CCDC9B: variants seen among roughly 807,000 people sequenced by gnomAD.
The protein encoded by CCDC9B is coiled-coil domain-containing protein 9B.
CCDC9B carries 40 observed loss-of-function variants against 47.2 expected under a neutral mutation model. The observed-to-expected ratio is 0.85, with a 90% CI of 0.66 to 1.10. The LOEUF (loss-of-function observed/expected upper bound fraction) is 1.10, where lower values mean the gene tolerates loss of function less well. Among genes scored for constraint, CCDC9B ranks in the 50% least tolerant of loss-of-function variants. The pLI is 0.00. For synonymous variants in CCDC9B, 238 were observed against 250.7 expected (o/e 0.95, Z 0.48); for missense variants, 662 against 651.0 (o/e 1.02, Z -0.18).
chr15:40,339,559 G>A lies in CCDC9B; in HGVS notation c.184C>T (p.Leu62Phe). The change falls in exon 3 of 11, where the codon CTC (leucine) becomes TTC (phenylalanine). Residue 62 changes from leucine to phenylalanine, a missense_variant. Coordinates refer to ENST00000397536, the MANE Select transcript of CCDC9B (RefSeq NM_207380.3). The part of the protein sequence containing the change: ...QGGMAVTTPA[L>F]LQPDGLTVTI... ...ACGGTGAGGCCATCAGGCTGGAGGAGTGCTGGTGTGGTCACAGCCATCCCC... is the reference window on the plus strand; with the variant it reads ...ACGGTGAGGCCATCAGGCTGGAGGAATGCTGGTGTGGTCACAGCCATCCCC... 6.2e-7 allele frequency: 1 copy of A among 1,612,748 alleles called. No homozygotes were observed. Among genetic ancestry groups the A allele is most frequent in the Non-Finnish European group, 8.5e-7 (1 of 1,178,886 alleles).
In CCDC9B at chr15:40,331,612, C is replaced by A. The variant is rs970144226; in HGVS notation, c.*3546G>T. On this transcript the variant is annotated 3_prime_UTR_variant, in exon 11 of 11. Transcript: ENST00000397536. ...ACCAGGCCTGACCCTGCTTAGCTTA[C>A]GAGATTAGGCACGTTCAGGGTGGTA... 1 of 152,408 alleles carries A rather than the reference C, an allele frequency of 6.6e-6. No individual in the cohort carries two copies. The highest frequency in any genetic ancestry group is 1.9e-4 in the East Asian group (1 of 5,188). 9.4% of individuals were successfully genotyped at this position (152,408 alleles called of 1,614,324 possible).
intron 4 of CCDC9B, 43 bp from the exon 5 acceptor site, chr15:40,338,703 A>T (rs780171424): frequency 2.3e-5 from 37 of 1,611,116 alleles, no homozygotes; most frequent in South Asian, 1.1e-4. Context: ...GCCAGGGAGG[A>T]AGAGGCTGCC....
intron 5 of CCDC9B, among the ~76,000 whole-genome samples, chr15:40,338,296 A>G (rs1488066157): frequency 6.6e-6 from 1 of 152,170 alleles, no homozygotes; most frequent in Non-Finnish European, 1.5e-5. Flanking sequence ...CTCCCATGCC[A>G]CCATCAGCAG....
At chr15:40,338,985 C>T (rs1566908360) in intron 3 of CCDC9B, 82 bp from the exon 4 acceptor site, 3 of 1,516,824 alleles carry the variant, frequency 2.0e-6, no homozygotes. Context: ...TTCCCCAGGC[C>T]TGGGTTCCAA....
At chr15:40,340,654 C>T in intron 1 of CCDC9B, 154 bp downstream of exon 1, 4 of 696,476 alleles carry the variant, frequency 5.7e-6, no homozygotes, top group Non-Finnish European at 9.3e-6. Context: ...AGGTTCCTCT[C>T]TGTCTGGATG....
At position 40,335,823 on chromosome 15, in the gene CCDC9B, C is replaced by T; in HGVS notation, c.891G>A (p.Trp297Ter). Reference sequence around the variant, plus strand: ...GCTCCTCCTTGTCTTCCTTCATATCCCACCTGTAGAAACACAGCTCATGGC... The same window carrying T: ...GCTCCTCCTTGTCTTCCTTCATATCTCACCTGTAGAAACACAGCTCATGGC... ...KERLTGRARR[W>*]DMKEDKEELE... Residue 297 changes from tryptophan to a stop codon, truncating the protein, a stop_gained, in exon 10 of 11, where the codon TGG becomes TGA. Transcript: ENST00000397536. LOFTEE classifies it low-confidence loss of function (END_TRUNC). 6.2e-7 allele frequency: 1 copy of T among 1,610,438 alleles called. No homozygotes were observed. Among genetic ancestry groups the T allele is most frequent in the Non-Finnish European group, 8.5e-7 (1 of 1,178,326 alleles).
rs1448371975 is a variant in CCDC9B at position 40,338,869 on chromosome 15, C to T, written c.266G>A (p.Gly89Asp). ...GTTGGTCACTCTGGGTCCACAGGTA[C>T]CCCTTGCCCAGTTCCTGCTAACCAC... ...KRVVSRNWAR[G>D]TCGPRVTNEM... is the part of the protein sequence containing the mutation. The change falls in exon 4 of 11, where the codon GGT becomes GAT. Residue 89 changes from glycine to aspartate, a missense_variant. Transcript: ENST00000397536. The T allele has an allele frequency of 2.4e-5, 39 of 1,614,078 alleles. No homozygotes were observed. The highest frequency in any genetic ancestry group is 3.3e-5 in the Non-Finnish European group (39 of 1,180,032).
chr15:40,336,538 A>C, intron 9 of CCDC9B, 36 bp downstream of exon 9: 3 of 1,603,886 alleles, frequency 1.9e-6, no homozygotes, highest in Non-Finnish European at 2.6e-6. Context: ...GGACACCCAC[A>C]TGCCCGTCTT....
intron 1 of CCDC9B, chr15:40,340,477 G>T (rs1889067329): frequency 5.1e-6 from 2 of 394,978 alleles, no homozygotes; most frequent in South Asian, 4.5e-5. Context: ...TCAGGCCCTG[G>T]ACCCCGCACC....
intron 9 of CCDC9B, 114 bp downstream of exon 9, chr15:40,336,460 A>G: frequency 6.8e-7 from 1 of 1,466,410 alleles, no homozygotes. Context: ...GCCAGGCAGC[A>G]GTCAGCCAGG....
chr15:40,338,156 G>T lies in CCDC9B; in HGVS notation c.514-263C>A, dbSNP rs376719355. On this transcript the variant is annotated intron_variant, in intron 5 of 10. Transcript: ENST00000397536. ...ACCAACCCACAGGGGTGTTGCAGGG[G>T]TATGCAGACGGGCCGGAGTGGGAGG... The T allele has an allele frequency of 3.3e-5, 24 of 720,606 alleles. 1 individual carries two copies. Among genetic ancestry groups the T allele is most frequent in the Non-Finnish European group, 5.2e-5 (20 of 387,372 alleles). The allele number at this position is 720,606 out of a possible 1,614,324, so 44.6% of individuals were successfully genotyped here.
Position 40,335,567 on chromosome 15 carries a change from T to C in CCDC9B, c.1064A>G (p.Glu355Gly). The change falls in exon 11 of 11, where the codon GAG becomes GGG. Residue 355 changes from glutamate to glycine, a missense_variant. Physicochemically the swap from Glu to Gly is moderately conservative, Grantham distance 98. Transcript: ENST00000397536. ...ALASPEGPKGESVASTASSVP... is the reference protein window; with the variant it reads ...ALASPEGPKGGSVASTASSVP... ...TGAGCTGGCTGTGGAAGCCACTGAC[T>C]CCCCCTTCGGCCCCTCTGGGGATGC... The C allele has an allele frequency of 1.3e-6, 2 of 1,502,134 alleles. No homozygotes were observed. Among genetic ancestry groups the C allele is most frequent in the Non-Finnish European group, 1.8e-6 (2 of 1,124,596 alleles). 93.1% of individuals were successfully genotyped at this position (1,502,134 alleles called of 1,614,324 possible).
At chr15:40,337,352 C>G (rs1270504520) in intron 7 of CCDC9B, 36 bp downstream of exon 7, 1 of 1,598,302 alleles carries the variant, frequency 6.3e-7, no homozygotes, top group Non-Finnish European at 8.6e-7. Flanking sequence ...ATGAACAAAG[C>G]CAAGGAGGGG....
intron 7 of CCDC9B, 49 bp downstream of exon 7, chr15:40,337,339 A>G: frequency 6.5e-7 from 1 of 1,533,036 alleles, no homozygotes; most frequent in Non-Finnish European, 9.0e-7. Flanking sequence ...AAGGGGGTGA[A>G]AGATGAACAA....
intron 5 of CCDC9B, 97 bp downstream of exon 5, chr15:40,338,438 C>G: frequency 1.4e-6 from 2 of 1,406,604 alleles, no homozygotes; most frequent in Non-Finnish European, 9.8e-7. Context: ...CCCTTGGCCA[C>G]GTCCCCGCAA....
chr15:40,335,173 C>A lies in CCDC9B; in HGVS notation c.1458G>T (p.Pro486=), dbSNP rs142452705. ...GVRRRTGRPG[P]AGRC Reference sequence around the variant, plus strand: ...GGAGCTGTGTTCAGCATCTTCCTGCCGGGCCAGGGCGCCCTGTCCTGCGCC... The same window carrying A: ...GGAGCTGTGTTCAGCATCTTCCTGCAGGGCCAGGGCGCCCTGTCCTGCGCC... Residue 486 remains proline, a synonymous_variant, in exon 11 of 11, where the codon CCG becomes CCT. Coordinates refer to ENST00000397536, the MANE Select transcript of CCDC9B (RefSeq NM_207380.3). 816 of 1,509,132 alleles carry A rather than the reference C, an allele frequency of 5.4e-4. 3 individuals are homozygous for A. Among genetic ancestry groups the A allele is most frequent in the Middle Eastern group, 2.7e-3 (15 of 5,590 alleles). 93.5% of individuals were successfully genotyped at this position (1,509,132 alleles called of 1,614,324 possible). A position where few individuals can be genotyped will look rare whatever the true frequency, so the allele number is the denominator to read the frequency against.
In CCDC9B at chr15:40,338,836, A is replaced by G; in HGVS notation, c.299T>C (p.Leu100Pro). 3 of 1,614,118 alleles carry G rather than the reference A, an allele frequency of 1.9e-6. No individual in the cohort carries two copies. Among genetic ancestry groups the G allele is most frequent in the Non-Finnish European group, 2.5e-6 (3 of 1,180,008 alleles). Reference sequence around the variant, plus strand: ...GTGGTCCTCAGCATCCTCATCCTCAAGCATCTCGTTGGTCACTCTGGGTCC... The same window carrying G: ...GTGGTCCTCAGCATCCTCATCCTCAGGCATCTCGTTGGTCACTCTGGGTCC... Reference protein sequence around the residue: ...TCGPRVTNEMLEDEDAEDHGG... With the variant: ...TCGPRVTNEMPEDEDAEDHGG... Residue 100 changes from leucine (L) to proline (P), a missense_variant, in exon 4 of 11, where the codon CTT becomes CCT. By Grantham distance (98) the Leu-to-Pro change is moderately conservative. Coordinates refer to ENST00000397536, the MANE Select transcript of CCDC9B (RefSeq NM_207380.3).
chr15:40,337,276 G>T, intron 7 of CCDC9B, 112 bp downstream of exon 7: 1 of 1,019,386 alleles, frequency 9.8e-7, no homozygotes, highest in South Asian at 1.3e-5. Context: ...GTTCTCCAAC[G>T]CTTCCTTTCA....
intron 3 of CCDC9B, 128 bp from the exon 4 acceptor site, chr15:40,339,031 A>T (rs1473571822): frequency 9.5e-7 from 1 of 1,054,524 alleles, no homozygotes; most frequent in East Asian, 2.4e-5. Context: ...AGAAGAGCTG[A>T]CTCCCACAGG....
Sources: gnomAD v4.1 joint callset for allele counts (sites outside exome capture counted in the v4.1 genomes callset) on GRCh38, gnomAD v4.1.1 for gene constraint, MANE v1.5 for transcripts, NCBI Gene and HGNC (gene_info 2026-07-23, HGNC 2026-07-21) for gene names.